The following PCDHGB5 variants were observed in gnomAD, a reference collection of about 807,000 sequenced individuals.
PCDHGB5 encodes protocadherin gamma-B5.
PCDHGB5 carries 48 observed loss-of-function variants against 62.9 expected under a neutral mutation model. That is an observed-to-expected ratio of 0.76 (90% CI 0.61 to 0.97). The LOEUF is 0.97. Among genes scored for constraint, PCDHGB5 ranks in the 50% least tolerant of loss-of-function variants. PCDHGB5 has a pLI of 0.00. For missense variants in PCDHGB5, 1,118 were observed against 1,198.6 expected, an observed-to-expected ratio of 0.93 and a Z score of 0.99; for synonymous variants, 474 against 511.2, an observed-to-expected ratio of 0.93 and a Z score of 0.98.
chr5:141,431,297 C>T lies in PCDHGB5; in HGVS notation c.2397+30773C>T. The T allele has an allele frequency of 6.2e-7, 1 of 1,614,126 alleles. No homozygotes were observed. The highest frequency in any genetic ancestry group is 8.5e-7 in the Non-Finnish European group (1 of 1,180,036). Reference sequence around the variant, plus strand: ...GCTCAGCCCGAACACTCACTTCTCCCTCATCGTGCAAAATGGAGCCGACGG... The same window carrying T: ...GCTCAGCCCGAACACTCACTTCTCCTTCATCGTGCAAAATGGAGCCGACGG... On this transcript the variant is annotated intron_variant, in intron 1 of 3. Coordinates refer to ENST00000617380, the MANE Select transcript of PCDHGB5 (RefSeq NM_018925.3). This position sits in a 1 kb window ranked among gnomAD's most constrained non-coding sequence, Gnocchi z 4.8.
intron 1 of PCDHGB5, chr5:141,423,431 G>T: frequency 6.2e-7 from 1 of 1,614,010 alleles, no homozygotes; most frequent in South Asian, 1.1e-5. Context: ...GGGTTGGCAG[G>T]TATGCCCACG....
chr5:141,501,447 A>G (rs1483189279), intron 2 of PCDHGB5, among the ~76,000 whole-genome samples: 1 of 151,816 alleles, frequency 6.6e-6, no homozygotes, highest in Middle Eastern at 3.2e-3. Flanking sequence ...TTCCATTTTT[A>G]CTTTTCACTA....
chr5:141,451,860 C>T, intron 1 of PCDHGB5, among the ~76,000 whole-genome samples: 1 of 151,832 alleles, frequency 6.6e-6, no homozygotes, highest in Non-Finnish European at 1.5e-5. Flanking sequence ...CAGCCTAGGC[C>T]ACAGAATGAA....
intron 1 of PCDHGB5, chr5:141,478,169 G>A (rs2099436111): frequency 1.2e-6 from 2 of 1,613,716 alleles, no homozygotes; most frequent in Admixed American, 1.7e-5. Flanking sequence ...TGCCCCCCGG[G>A]AGCAGAAAAA....
Position 141,422,132 on chromosome 5 carries a change from T to C in PCDHGB5, c.2397+21608T>C, listed in dbSNP as rs768931697. ...CAATTGGATTCACAAACTGGAGAAG[T>C]TCAAGTACGGGGGTCTCTGGATTTT... On this transcript the variant is annotated intron_variant, in intron 1 of 3. Coordinates refer to ENST00000617380, the MANE Select transcript of PCDHGB5 (RefSeq NM_018925.3). The C allele has an allele frequency of 1.2e-5, 19 of 1,598,396 alleles. No individual in the cohort carries two copies. In the South Asian group the frequency reaches 2.0e-4, roughly 17 times the overall value.
chr5:141,413,425 C>T, intron 1 of PCDHGB5: 1 of 1,614,098 alleles, frequency 6.2e-7, no homozygotes, highest in Non-Finnish European at 8.5e-7. Flanking sequence ...TCTGAACCCG[C>T]GCAGCGGCAG....
In PCDHGB5 at chr5:141,403,112, C is replaced by CT. The variant is rs765071462; in HGVS notation, c.2397+2589dup. The CT allele has an allele frequency of 3.1e-6, 5 of 1,614,074 alleles. No individual in the cohort carries two copies. In the South Asian group the frequency reaches 5.5e-5, roughly 18 times the overall value. On this transcript the variant is annotated intron_variant, in intron 1 of 3. Transcript: ENST00000617380. Reference sequence around the variant, plus strand: ...GGGCAACATCTCCAAGGACCTGGCTCTGGAGCCCCGGGAGCTGGCGGAGCG... The same window carrying CT: ...GGGCAACATCTCCAAGGACCTGGCTCTTGGAGCCCCGGGAGCTGGCGGAGCG...
chr5:141,465,781 T>G (rs2099109506), intron 1 of PCDHGB5, among the ~76,000 whole-genome samples: 1 of 150,278 alleles, frequency 6.7e-6, no homozygotes, highest in Non-Finnish European at 1.5e-5. Context: ...TTGTTACAGT[T>G]TTTTTTTTTT....
At chr5:141,467,361 G>T (rs555435172) in intron 1 of PCDHGB5, among the ~76,000 whole-genome samples, 2 of 151,742 alleles carry the variant, frequency 1.3e-5, no homozygotes, top group Non-Finnish European at 2.9e-5. Flanking sequence ...CCAAATCAAC[G>T]TTTTCTTATA....
Position 141,477,486 on chromosome 5 carries a change from C to A in PCDHGB5, c.2398-17321C>A. On this transcript the variant is annotated intron_variant, in intron 1 of 3. Coordinates refer to ENST00000617380, the MANE Select transcript of PCDHGB5 (RefSeq NM_018925.3). This position sits in a 1 kb window ranked among gnomAD's most constrained non-coding sequence, Gnocchi z 4.9. ...GACATCAATGACAACCCTCCACAAT[C>A]TTCTCAATCTTCCTACGACGTTTAC... is the stretch of plus-strand genomic sequence containing the variant. The A allele has an allele frequency of 6.2e-7, 1 of 1,614,170 alleles. No homozygotes were observed. The highest frequency in any genetic ancestry group is 8.5e-7 in the Non-Finnish European group (1 of 1,180,040).
rs750036800 is a variant in PCDHGB5, at chr5:141,419,495, G to A, written c.2397+18971G>A. On this transcript the variant is annotated intron_variant, in intron 1 of 3. Coordinates refer to ENST00000617380, the MANE Select transcript of PCDHGB5 (RefSeq NM_018925.3). ...GGGCTCGCCCGCGCTCAGCGCCAAT[G>A]TGAGCCTGCGCGTGTTGGTGGGCGA... The A allele has an allele frequency of 5.0e-6, 8 of 1,612,432 alleles. No individual in the cohort carries two copies. The Admixed American group carries it at 1.3e-4, about 27-fold the overall frequency.
chr5:141,409,188 C>T lies in PCDHGB5; in HGVS notation c.2397+8664C>T, dbSNP rs1487313582. ...GCGAAGGACGGAGGTGGTCTCTCTA[C>T]CCAGTGTAAAGTAATCATAGAAATC... On this transcript the variant is annotated intron_variant, in intron 1 of 3. Transcript: ENST00000617380. 9 of 1,613,880 alleles carry T rather than the reference C, an allele frequency of 5.6e-6. No homozygotes were observed. In the Admixed American group the frequency reaches 8.3e-5, roughly 15 times the overall value.
intron 1 of PCDHGB5, chr5:141,427,734 C>A (rs2097062807): frequency 1.7e-6 from 2 of 1,207,418 alleles, no homozygotes; most frequent in Non-Finnish European, 2.4e-6. Flanking sequence ...GCTGAATGGC[C>A]AAGTCTCCTA....
Position 141,399,009 on chromosome 5 carries a change from C to A in PCDHGB5, c.882C>A (p.Ser294Arg), listed in dbSNP as rs759328384. The change falls in exon 1 of 4, where the codon AGC becomes AGA. Residue 294 changes from serine to arginine, a missense_variant. By Grantham distance (110) the Ser-to-Arg change is moderately radical. Around this residue, in one of 2 missense-constraint regions of PCDHGB5, gnomAD observed 1,034 missense variants for 1,029.1 expected, o/e 1.00. Transcript: ENST00000617380. ...AAATCTTTAGTCTGAATTCAAAGAGCGGAGAAATTACCACTCAAAAGAAAC... is the reference window on the plus strand; with the variant it reads ...AAATCTTTAGTCTGAATTCAAAGAGAGGAGAAATTACCACTCAAAAGAAAC... Reference protein sequence around the residue: ...TGQIFSLNSKSGEITTQKKLD... With the variant: ...TGQIFSLNSKRGEITTQKKLD... The A allele has an allele frequency of 6.2e-7, 1 of 1,613,812 alleles. No homozygotes were observed. Among genetic ancestry groups the A allele is most frequent in the African/African-American group, 1.3e-5 (1 of 75,022 alleles).
In PCDHGB5 at chr5:141,430,746, G is replaced by A. The variant is rs369205374; in HGVS notation, c.2397+30222G>A. ...TAAGGGCAGAATTGAAAATAATTCTGGAGGAAGATAAGAATGATTCCTGCG... is the reference window on the plus strand; with the variant it reads ...TAAGGGCAGAATTGAAAATAATTCTAGAGGAAGATAAGAATGATTCCTGCG... On this transcript the variant is annotated intron_variant, in intron 1 of 3. Coordinates refer to ENST00000617380, the MANE Select transcript of PCDHGB5 (RefSeq NM_018925.3). 3.3e-5 allele frequency: 49 copies of A among 1,500,684 alleles called. No homozygotes were observed. The African/African-American group carries it at 6.3e-4, about 19-fold the overall frequency. The allele number at this position is 1,500,684 out of a possible 1,614,324, so 93.0% of individuals were successfully genotyped here.
intron 2 of PCDHGB5, among the ~76,000 whole-genome samples, chr5:141,502,048 ACTTTATTCC>A (rs1055762924): frequency 6.6e-5 from 10 of 151,746 alleles, no homozygotes; most frequent in African/African-American, 2.4e-4. Context: ...TGCTCTCCCT[ACTTTATTCC>A]CATTAGCCCC....
intron 1 of PCDHGB5, among the ~76,000 whole-genome samples, chr5:141,464,300 A>G (rs1349155102): frequency 2.0e-5 from 3 of 149,898 alleles, no homozygotes; most frequent in East Asian, 1.9e-4. Context: ...ACTCCATTGT[A>G]TGTGCACATA....
rs758216080 is a variant in PCDHGB5, at chr5:141,398,809, C to A, written c.682C>A (p.Leu228Ile). 1.3e-5 allele frequency: 21 copies of A among 1,613,854 alleles called. No individual in the cohort carries two copies. In the South Asian group the frequency reaches 2.1e-4, roughly 16 times the overall value. The change falls in exon 1 of 4, where the codon CTC becomes ATC. Residue 228 changes from leucine to isoleucine, a missense_variant. Leu to Ile is a conservative substitution (Grantham distance 5). Coordinates refer to ENST00000617380, the MANE Select transcript of PCDHGB5 (RefSeq NM_018925.3). ...GHPPLSGTTE[L>I]RIQVTDANDN... ...TCCACCCCTAAGCGGCACCACTGAG[C>A]TCCGGATCCAGGTAACCGACGCCAA...
intron 1 of PCDHGB5, chr5:141,409,042 C>A: frequency 5.0e-6 from 8 of 1,614,034 alleles, no homozygotes; most frequent in Middle Eastern, 1.6e-4. Context: ...TAAACTACTA[C>A]TTCCGAAGCA....
Sources: gnomAD v4.1 joint callset for allele counts (sites outside exome capture counted in the v4.1 genomes callset) on GRCh38, gnomAD v4.1.1 for gene constraint, gnomAD v4.1.1 regional missense constraint, Gnocchi (gnomAD v3.1) non-coding constraint, MANE v1.5 for transcripts, NCBI Gene and HGNC (gene_info 2026-07-23, HGNC 2026-07-21) for gene names.